Variants in MAPK10 observed in about 807,000 individuals in gnomAD.
MAPK10 encodes the protein mitogen-activated protein kinase 10.
A neutral mutation model predicts 59.3 loss-of-function variants in MAPK10; 25 were observed. The ratio of observed to expected loss-of-function variants is 0.42; its 90% CI spans 0.31 to 0.59. MAPK10 has a LOEUF of 0.59. Ranked by LOEUF, MAPK10 falls within the 20% of genes least tolerant of loss-of-function variation. MAPK10 has a pLI of 0.15. For missense variants in MAPK10, 351 were observed against 568.9 expected (o/e 0.62, Z 3.90); for synonymous variants, 190 against 200.5 (o/e 0.95, Z 0.44).
At chr4:86,228,646 A>C (rs1035253381) in intron 2 of MAPK10, among the ~76,000 whole-genome samples, 1 of 152,214 alleles carries the variant, frequency 6.6e-6, no homozygotes, top group Admixed American at 6.5e-5. Flanking sequence ...TGTCATATTT[A>C]TAAGTGTATC....
chr4:86,288,635 A>G (rs938073089), intron 2 of MAPK10, among the ~76,000 whole-genome samples: 18 of 152,054 alleles, frequency 1.2e-4, no homozygotes, highest in Non-Finnish European at 2.4e-4. Context: ...TGTTAATTCA[A>G]TAAGTGTCAT....
At chr4:86,089,232 C>A in intron 9 of MAPK10, 3 of 1,612,936 alleles carry the variant, frequency 1.9e-6, no homozygotes, top group Non-Finnish European at 2.5e-6. Flanking sequence ...CAGCACTGCA[C>A]CTTTTATCAT....
intron 2 of MAPK10, among the ~76,000 whole-genome samples, chr4:86,292,632 T>G (rs952328319): frequency 6.6e-6 from 1 of 152,182 alleles, no homozygotes; most frequent in Non-Finnish European, 1.5e-5. Flanking sequence ...AGAGAGAGTA[T>G]TGTTTGAGTC....
At chr4:86,073,158 T>C (rs2048399999) in intron 9 of MAPK10, among the ~76,000 whole-genome samples, 1 of 114,562 alleles carries the variant, frequency 8.7e-6, no homozygotes, top group African/African-American at 3.4e-5. Flanking sequence ...CCATTTCTTC[T>C]AGATTTTCTA....
chr4:86,295,678 G>C (rs942882235), intron 2 of MAPK10, among the ~76,000 whole-genome samples: 2 of 148,524 alleles, frequency 1.3e-5, no homozygotes, highest in Non-Finnish European at 3.0e-5. Flanking sequence ...ATATGTTATA[G>C]CTTTTATTAT....
chr4:86,416,540 G>T (rs887538456), intron 1 of MAPK10, among the ~76,000 whole-genome samples: 1 of 152,178 alleles, frequency 6.6e-6, no homozygotes, highest in African/African-American at 2.4e-5. Context: ...TCTCTCATCT[G>T]TCCCAGAATT....
At chr4:86,193,448 G>T (rs1201832282) in intron 3 of MAPK10, 1 of 152,382 alleles carries the variant, frequency 6.6e-6, no homozygotes, top group Non-Finnish European at 1.5e-5. Flanking sequence ...GAGATGCCCT[G>T]CCCAGACAGG....
intron 4 of MAPK10, among the ~76,000 whole-genome samples, chr4:86,114,015 A>G (rs969273257): frequency 1.3e-5 from 2 of 152,072 alleles, no homozygotes; most frequent in Non-Finnish European, 2.9e-5. Flanking sequence ...GGCTATTGAT[A>G]CTTGTGGTTA....
At chr4:86,555,434 G>A (rs1051768099) in intron 1 of MAPK10, among the ~76,000 whole-genome samples, 2 of 152,098 alleles carry the variant, frequency 1.3e-5, no homozygotes, top group Admixed American at 6.5e-5. Flanking sequence ...TGACAGAGTT[G>A]AGACTCCATC....
intron 1 of MAPK10, among the ~76,000 whole-genome samples, chr4:86,581,900 TATATATATATATATATA>T (rs1762312694): frequency 1.4e-3 from 2 of 1,384 alleles, no homozygotes; most frequent in East Asian, 0.25. Flanking sequence ...CTATATATAT[TATATATATATATATATA>T]TATATATATA....
At chr4:86,307,060 C>T (rs770440216) in intron 2 of MAPK10, among the ~76,000 whole-genome samples, 2 of 151,994 alleles carry the variant, frequency 1.3e-5, no homozygotes, top group African/African-American at 4.8e-5. Context: ...TGAAGCATAA[C>T]TAGGGTGATA....
At position 86,479,746 on chromosome 4, in the gene MAPK10, C is replaced by G. The variant is rs185608169; in HGVS notation, c.-263+114164G>C. Among the ~76,000 whole-genome samples the G allele has an allele frequency of 6.6e-4, 101 of 152,236 alleles. 1 individual carries two copies. Among genetic ancestry groups the G allele is most frequent in the African/African-American group, 2.1e-3 (88 of 41,556 alleles). ...ATGTCCTAGGTCCTCCCAATTCTTACTCCTTTAATACCTGTTTTTCTCCTT... is the reference window on the plus strand; with the variant it reads ...ATGTCCTAGGTCCTCCCAATTCTTAGTCCTTTAATACCTGTTTTTCTCCTT... On this transcript the variant is annotated intron_variant, in intron 1 of 4. Coordinates refer to the MAPK10 transcript ENST00000502302.
intron 5 of MAPK10, among the ~76,000 whole-genome samples, chr4:86,103,619 C>T (rs1291431388): frequency 1.3e-5 from 2 of 152,154 alleles, no homozygotes; most frequent in East Asian, 1.9e-4. Context: ...CTCAGTGAGA[C>T]TTAGCAAGGG....
rs1251171367 is a variant in MAPK10, at chr4:86,450,850, T to A, written c.-122+2180A>T. On this transcript the variant is annotated intron_variant, in intron 1 of 13. Coordinates refer to the MAPK10 transcript ENST00000361569. ...AAAATGCTGGCTAACCAAACTTTTT[T>A]AATGCATGCAGTCCTAGAATTCAAA... Among the ~76,000 whole-genome samples, 3 of 152,260 alleles carry A rather than the reference T, an allele frequency of 2.0e-5. No individual in the cohort carries two copies. In the South Asian group the frequency reaches 6.2e-4, roughly 32 times the overall value.
At chr4:86,549,771 G>A (rs1319556977) in intron 1 of MAPK10, among the ~76,000 whole-genome samples, 1 of 152,158 alleles carries the variant, frequency 6.6e-6, no homozygotes, top group Non-Finnish European at 1.5e-5. Context: ...CTTGAGTCCA[G>A]GAGTTTGAGG....
At chr4:86,434,697 A>C (rs1701860097) in intron 1 of MAPK10, among the ~76,000 whole-genome samples, 1 of 152,212 alleles carries the variant, frequency 6.6e-6, no homozygotes, top group Admixed American at 6.5e-5. Flanking sequence ...TGTTGATGAG[A>C]ATGTAAATTA....
intron 3 of MAPK10, among the ~76,000 whole-genome samples, chr4:86,174,213 C>T (rs1256633459): frequency 1.3e-5 from 2 of 151,988 alleles, no homozygotes; most frequent in Non-Finnish European, 2.9e-5. Flanking sequence ...AAAGACATGA[C>T]AAACCCAAAT....
intron 4 of MAPK10, among the ~76,000 whole-genome samples, chr4:86,122,195 A>G (rs1209263781): frequency 6.6e-6 from 1 of 152,182 alleles, no homozygotes; most frequent in Non-Finnish European, 1.5e-5. Context: ...GAGAGGAATG[A>G]GCAGGAGCAT....
chr4:86,321,999 G>C (rs1290952925), intron 2 of MAPK10: 1 of 151,684 alleles, frequency 6.6e-6, no homozygotes, highest in East Asian at 1.9e-4. Flanking sequence ...ACCCATCCTA[G>C]ATCTCCTTTT....
Sources: allele counts gnomAD v4.1 joint callset (sites outside exome capture counted in the v4.1 genomes callset), GRCh38; gene constraint gnomAD v4.1.1; transcripts MANE v1.5; gene names NCBI Gene and HGNC (gene_info 2026-07-23, HGNC 2026-07-21).